CDH8: variants seen among roughly 807,000 people sequenced by gnomAD.
The protein encoded by CDH8 is cadherin-8.
Under a neutral mutation model 68.1 loss-of-function variants are expected in CDH8, and 17 were observed. The observed-to-expected ratio is 0.25, with a 90% CI of 0.17 to 0.37. CDH8 has a LOEUF of 0.37. Ranked by LOEUF, CDH8 falls within the 10% of genes least tolerant of loss-of-function variation. CDH8 has a pLI of 1.00. For synonymous variants in CDH8, 372 were observed against 365.1 expected, an observed-to-expected ratio of 1.02 and a Z score of -0.21; for missense variants, 763 against 999.3, an observed-to-expected ratio of 0.76 and a Z score of 3.19.
intron 2 of CDH8, among the ~76,000 whole-genome samples, chr16:61,935,345 A>C (rs1197750922): frequency 6.6e-6 from 1 of 152,186 alleles, no homozygotes; most frequent in Non-Finnish European, 1.5e-5. Flanking sequence ...ATTTTCATTA[A>C]ATTTCCATTA....
At chr16:61,996,674 A>C (rs922710781) in intron 2 of CDH8, among the ~76,000 whole-genome samples, 2 of 152,170 alleles carry the variant, frequency 1.3e-5, no homozygotes, top group African/African-American at 4.8e-5. Flanking sequence ...TTCAAAACAC[A>C]AATTAAATTA....
At chr16:61,877,966 T>A (rs771087733) in intron 3 of CDH8, among the ~76,000 whole-genome samples, 2 of 152,180 alleles carry the variant, frequency 1.3e-5, no homozygotes, top group Non-Finnish European at 2.9e-5. Context: ...AGGGAAAACA[T>A]GTATTAGCGG....
At chr16:61,832,636 T>A (rs1292356755) in intron 4 of CDH8, among the ~76,000 whole-genome samples, 1 of 151,714 alleles carries the variant, frequency 6.6e-6, no homozygotes, top group Non-Finnish European at 1.5e-5. Context: ...TTACTCATAT[T>A]TTTAGTTTTA....
chr16:61,808,648 C>T (rs914020494), intron 7 of CDH8, among the ~76,000 whole-genome samples: 1 of 152,130 alleles, frequency 6.6e-6, no homozygotes, highest in East Asian at 1.9e-4. Context: ...TACTAACATT[C>T]TTTAAATTAT....
intron 2 of CDH8, among the ~76,000 whole-genome samples, chr16:61,953,895 T>TTA (rs66743095): frequency 0.071 from 8,444 of 118,532 alleles, 350 homozygotes; most frequent in East Asian, 0.23. Flanking sequence ...AAAAAAAACT[T>TTA]TATATATATA....
chr16:61,850,552 C>T (rs918282168), intron 4 of CDH8, among the ~76,000 whole-genome samples: 5 of 152,104 alleles, frequency 3.3e-5, no homozygotes, highest in South Asian at 2.1e-4. Flanking sequence ...TTGCAGATTA[C>T]GTTTATTATA....
chr16:61,876,732 T>G (rs1413494176), intron 3 of CDH8, among the ~76,000 whole-genome samples: 1 of 152,086 alleles, frequency 6.6e-6, no homozygotes, highest in Non-Finnish European at 1.5e-5. Flanking sequence ...TAAATGAATA[T>G]TTATTGAACA....
intron 2 of CDH8, among the ~76,000 whole-genome samples, chr16:61,973,227 G>T (rs532783314): frequency 1.3e-5 from 2 of 152,154 alleles, no homozygotes; most frequent in Non-Finnish European, 2.9e-5. Flanking sequence ...AACTGAGGAT[G>T]ATGAGGATAA....
At chr16:61,856,023 T>C (rs1963039639) in intron 4 of CDH8, among the ~76,000 whole-genome samples, 1 of 152,130 alleles carries the variant, frequency 6.6e-6, no homozygotes. Context: ...CCTATTTATA[T>C]ATAAATGTAC....
rs1596828093 is a variant in CDH8, at chr16:61,649,655, C to T, written c.*3953G>A. On this transcript the variant is annotated 3_prime_UTR_variant, in exon 12 of 12. Coordinates refer to ENST00000577390, the MANE Select transcript of CDH8 (RefSeq NM_001796.5). ...TACACTGCCCTGATCTCAGATGGAA[C>T]TTTCAATCAAAAAGGCAATCAGAAG... The T allele has an allele frequency of 1.3e-5, 2 of 152,012 alleles. No individual in the cohort carries two copies. Among genetic ancestry groups the T allele is most frequent in the East Asian group, 3.9e-4 (2 of 5,130 alleles). The allele number at this position is 152,012 out of a possible 1,614,324, so 9.4% of individuals were successfully genotyped here. A position where few individuals can be genotyped will look rare whatever the true frequency, so the allele number is the denominator to read the frequency against.
At chr16:62,015,407 T>TTG (rs933540509) in intron 2 of CDH8, among the ~76,000 whole-genome samples, 7 of 151,720 alleles carry the variant, frequency 4.6e-5, no homozygotes, top group Non-Finnish European at 1.0e-4. Context: ...GTGTGTGTGT[T>TTG]TGTGTGTGTG....
At chr16:62,003,164 A>C (rs1965920704) in intron 2 of CDH8, among the ~76,000 whole-genome samples, 1 of 151,998 alleles carries the variant, frequency 6.6e-6, no homozygotes, top group Non-Finnish European at 1.5e-5. Flanking sequence ...ATCTTGGGGG[A>C]GGTGGGCATG....
At chr16:61,748,657 G>A (rs1960084796) in intron 8 of CDH8, among the ~76,000 whole-genome samples, 1 of 151,966 alleles carries the variant, frequency 6.6e-6, no homozygotes, top group African/African-American at 2.4e-5. Flanking sequence ...TGTCTCTCAT[G>A]CTTACAAACA....
chr16:61,706,666 C>A (rs920744971), intron 10 of CDH8, among the ~76,000 whole-genome samples: 2 of 144,398 alleles, frequency 1.4e-5, no homozygotes, highest in East Asian at 4.1e-4. Flanking sequence ...TTGGCATGTT[C>A]AAACCAAAGC....
intron 1 of CDH8, among the ~76,000 whole-genome samples, chr16:62,023,867 G>A (rs1422928655): frequency 2.0e-5 from 3 of 152,082 alleles, no homozygotes; most frequent in African/African-American, 7.2e-5. Context: ...ACTTGAATGT[G>A]CAAAAGCCAT....
At chr16:61,977,465 A>C (rs954334407) in intron 2 of CDH8, among the ~76,000 whole-genome samples, 1 of 152,182 alleles carries the variant, frequency 6.6e-6, no homozygotes. Flanking sequence ...TGTGGGCTAA[A>C]ATATGATGGC....
chr16:61,720,048 G>T (rs1959205590), intron 9 of CDH8, among the ~76,000 whole-genome samples: 1 of 150,138 alleles, frequency 6.7e-6, no homozygotes, highest in South Asian at 2.1e-4. Flanking sequence ...ATATTGGCAT[G>T]CTACCGCACA....
chr16:61,700,762 A>T (rs891247681), intron 10 of CDH8, among the ~76,000 whole-genome samples: 10 of 152,178 alleles, frequency 6.6e-5, no homozygotes, highest in Admixed American at 2.0e-4. Context: ...GGGTAGCCAA[A>T]GGCTCTTTAA....
chr16:62,014,435 TCTGAGTAG>T (rs918454444), intron 2 of CDH8, among the ~76,000 whole-genome samples: 1 of 152,102 alleles, frequency 6.6e-6, no homozygotes, highest in Non-Finnish European at 1.5e-5. Flanking sequence ...CAAGGCTCTG[TCTGAGTAG>T]GTAGAAGCTT....
Sources: allele counts gnomAD v4.1 joint callset (sites outside exome capture counted in the v4.1 genomes callset), GRCh38; gene constraint gnomAD v4.1.1; transcripts MANE v1.5; gene names NCBI Gene and HGNC (gene_info 2026-07-23, HGNC 2026-07-21).